Variants in KCNN2 observed in about 807,000 individuals in gnomAD.
KCNN2 encodes small conductance calcium-activated potassium channel protein 2.
A neutral mutation model predicts 55.5 loss-of-function variants in KCNN2; 24 were observed. The observed-to-expected ratio is 0.43, with a 90% CI of 0.31 to 0.61. The LOEUF is 0.61. Ranked by LOEUF, KCNN2 falls within the 20% of genes least tolerant of loss-of-function variation. KCNN2 has a pLI of 0.08. For synonymous variants in KCNN2, 431 were observed against 336.1 expected (o/e 1.28, Z -3.09); for missense variants, 754 against 853.6 (o/e 0.88, Z 1.45).
chr5:114,421,605 T>C (rs553944545), intron 3 of KCNN2, among the ~76,000 whole-genome samples: 1 of 151,610 alleles, frequency 6.6e-6, no homozygotes, highest in Non-Finnish European at 1.5e-5. Context: ...CCAGCATCTG[T>C]TTTTGTTTTG....
At chr5:114,213,231 A>T (rs1312736310) in intron 1 of KCNN2, among the ~76,000 whole-genome samples, 1 of 152,046 alleles carries the variant, frequency 6.6e-6, no homozygotes, top group African/African-American at 2.4e-5. Flanking sequence ...ACACTGTCAC[A>T]AAGTTTTGTT....
chr5:114,306,714 T>C (rs1756283786), intron 2 of KCNN2, among the ~76,000 whole-genome samples: 1 of 149,630 alleles, frequency 6.7e-6, no homozygotes, highest in South Asian at 2.1e-4. Flanking sequence ...TTTTTTTTTT[T>C]TTTTGAGACC....
rs569741050 is a variant in KCNN2 at position 114,449,626 on chromosome 5, C to A, written c.1638-13423C>A. Among the ~76,000 whole-genome samples the A allele has an allele frequency of 9.3e-4, 142 of 152,104 alleles. 2 individuals are homozygous for A. Among genetic ancestry groups the A allele is most frequent in the Non-Finnish European group, 1.4e-3 (93 of 68,012 alleles). ...AAGAGGTGGGGCAGCACCTCTGAAC[C>A]CAGCTCAGTTCCTCCTTGCCTCTTG... On this transcript the variant is annotated intron_variant, in intron 3 of 7. Transcript: ENST00000673685.
At chr5:114,155,570 A>G (rs144265849) in intron 1 of KCNN2, among the ~76,000 whole-genome samples, 4,708 of 152,192 alleles carry the variant, frequency 0.031, 256 homozygotes, top group African/African-American at 0.11. Flanking sequence ...ATTTTTTAAT[A>G]GTAGTCATTC....
At chr5:114,066,331 A>G (rs2112518329) in intron 1 of KCNN2, among the ~76,000 whole-genome samples, 1 of 152,346 alleles carries the variant, frequency 6.6e-6, no homozygotes, top group East Asian at 1.9e-4. Context: ...AACAGATACA[A>G]GCTTTACCTC....
chr5:114,099,102 T>C (rs1207258535), intron 1 of KCNN2, among the ~76,000 whole-genome samples: 1 of 152,150 alleles, frequency 6.6e-6, no homozygotes, highest in Middle Eastern at 3.2e-3. Context: ...AAATAATTCA[T>C]CAAATTTGAT....
intron 2 of KCNN2, among the ~76,000 whole-genome samples, chr5:114,391,995 T>C (rs1396053259): frequency 6.6e-6 from 1 of 152,138 alleles, no homozygotes; most frequent in African/African-American, 2.4e-5. Flanking sequence ...CTTTTTTTAA[T>C]CTAAAAAAGC....
At chr5:114,254,296 C>T (rs990846077) in intron 2 of KCNN2, among the ~76,000 whole-genome samples, 1 of 152,102 alleles carries the variant, frequency 6.6e-6, no homozygotes, top group African/African-American at 2.4e-5. Flanking sequence ...CACCTTTAAA[C>T]ATCTCCACAA....
intron 2 of KCNN2, among the ~76,000 whole-genome samples, chr5:114,391,407 G>T (rs78907533): frequency 1.3e-5 from 2 of 152,122 alleles, no homozygotes; most frequent in East Asian, 3.9e-4. Flanking sequence ...TGAAGAAACT[G>T]AAGTTTACAT....
chr5:114,387,876 A>G (rs1758333927), intron 2 of KCNN2, among the ~76,000 whole-genome samples: 1 of 152,142 alleles, frequency 6.6e-6, no homozygotes, highest in African/African-American at 2.4e-5. Context: ...GCTCCCACTC[A>G]GATATTATTT....
At chr5:114,493,368 A>C (rs776225877) in intron 6 of KCNN2, 35 bp from the exon 7 acceptor site, 1 of 1,324,594 alleles carries the variant, frequency 7.5e-7, no homozygotes, top group South Asian at 1.2e-5. Context: ...CATAGGAAGA[A>C]GGGAACCTTT....
intron 1 of KCNN2, among the ~76,000 whole-genome samples, chr5:114,079,349 GA>G (rs1470934539): frequency 3.9e-5 from 6 of 151,936 alleles, no homozygotes; most frequent in Admixed American, 3.3e-4. Flanking sequence ...TATACGTCAT[GA>G]AAAAAATAGA....
At chr5:114,432,910 C>T (rs1057326540) in intron 3 of KCNN2, among the ~76,000 whole-genome samples, 2 of 152,228 alleles carry the variant, frequency 1.3e-5, no homozygotes, top group Non-Finnish European at 1.5e-5. Context: ...GCCTTAGCTG[C>T]CTTCCCGCGG....
At chr5:114,435,101 C>T (rs965043891) in intron 3 of KCNN2, among the ~76,000 whole-genome samples, 1 of 152,106 alleles carries the variant, frequency 6.6e-6, no homozygotes, top group Non-Finnish European at 1.5e-5. Context: ...CACTCTCTAC[C>T]CGTCACTCCC....
chr5:114,161,168 C>T (rs1218222141), intron 1 of KCNN2, among the ~76,000 whole-genome samples: 4 of 152,248 alleles, frequency 2.6e-5, no homozygotes, highest in Non-Finnish European at 5.9e-5. Flanking sequence ...ATGTTTAGCG[C>T]TTCCTTCAGG....
intron 1 of KCNN2, among the ~76,000 whole-genome samples, chr5:114,112,912 T>A (rs2974489): frequency 1 from 151,901 of 152,120 alleles, 75,845 homozygotes; most frequent in Middle Eastern, 1. Context: ...AATTCCTCTT[T>A]TTGGGTAATT....
chr5:114,299,807 C>A (rs922277172), intron 2 of KCNN2, among the ~76,000 whole-genome samples: 4 of 152,154 alleles, frequency 2.6e-5, no homozygotes, highest in Non-Finnish European at 2.9e-5. Flanking sequence ...GCCATGGCAA[C>A]CCAGTTAGGT....
chr5:114,358,234 A>G (rs1160752240), upstream of KCNN2, among the ~76,000 whole-genome samples: 1 of 152,102 alleles, frequency 6.6e-6, no homozygotes, highest in Non-Finnish European at 1.5e-5. Flanking sequence ...TAATATCCAG[A>G]ATCTACAATG....
Position 114,173,305 on chromosome 5 carries a change from C to G in KCNN2, c.-270-48175C>G, listed in dbSNP as rs190320543. ...TTGATCTATGTGTCTGTTTTTATGA[C>G]AGTGCCATGCTGTTTTGTTTACTGT... On this transcript the variant is annotated intron_variant, in intron 1 of 10. Transcript: ENST00000512097. 2.6e-4 allele frequency among the ~76,000 whole-genome samples: 39 copies of G among 152,148 alleles called. 1 individual carries two copies. The highest frequency in any genetic ancestry group is 5.4e-4 in the Non-Finnish European group (37 of 67,932).
Sources: gnomAD v4.1 joint callset for allele counts (sites outside exome capture counted in the v4.1 genomes callset) on GRCh38, gnomAD v4.1.1 for gene constraint, MANE v1.5 for transcripts, NCBI Gene and HGNC (gene_info 2026-07-23, HGNC 2026-07-21) for gene names.